Variants in GPC4 observed in about 807,000 individuals in gnomAD.
GPC4 encodes the protein glypican 4, also known as glypican-4.
In GPC4, 10 loss-of-function variants were observed where a neutral mutation model predicts 35.0. The observed-to-expected ratio is 0.29, with a 90% confidence interval of 0.18 to 0.48. The LOEUF is 0.48. Ranked by LOEUF, GPC4 falls within the 20% of genes least tolerant of loss-of-function variation. The pLI is 0.99. For missense variants in GPC4, 322 were observed against 451.3 expected (o/e 0.71, Z 2.60); for synonymous variants, 167 against 170.2 (o/e 0.98, Z 0.15).
intron 1 of GPC4, among the ~76,000 whole-genome samples, chrX:133,363,361 C>T (rs1174758017): frequency 9.0e-6 from 1 of 110,710 alleles, no homozygotes; most frequent in East Asian, 2.8e-4. Flanking sequence ...TTTAAACATA[C>T]AGCTCTTTTT....
chrX:133,314,337 A>G (rs745911475), intron 3 of GPC4, among the ~76,000 whole-genome samples: 4 of 112,213 alleles, frequency 3.6e-5, no homozygotes, highest in Non-Finnish European at 7.5e-5. Context: ...TGCAAGTCAA[A>G]TCATTTATGC....
chrX:133,403,820 C>T (rs1264072350), intron 1 of GPC4, among the ~76,000 whole-genome samples: 1 of 109,283 alleles, frequency 9.2e-6, no homozygotes, highest in Non-Finnish European at 1.9e-5. Flanking sequence ...CTCAGCCTCC[C>T]GAGTAGCTGG....
chrX:133,385,773 T>G (rs1032196949), intron 1 of GPC4, among the ~76,000 whole-genome samples: 72 of 111,694 alleles, frequency 6.4e-4, no homozygotes, highest in African/African-American at 2.2e-3. Context: ...TTTATTCCTT[T>G]CCCACATCAC....
chrX:133,306,004 C>T lies in GPC4; in HGVS notation c.1008+20G>A. On this transcript the variant is annotated intron_variant, in intron 5 of 8. Coordinates refer to ENST00000370828, the MANE Select transcript of GPC4 (RefSeq NM_001448.3). ...GGGGGAGGTCCCTAGCTCCCCTTTC[C>T]AGCATCCTGCCTTCATTACCTTCTG... is the stretch of plus-strand genomic sequence containing the variant. 8.3e-7 allele frequency: 1 copy of T among 1,211,068 alleles called. No homozygotes were observed. Among genetic ancestry groups the T allele is most frequent in the Non-Finnish European group, 1.1e-6 (1 of 895,105 alleles).
intron 1 of GPC4, among the ~76,000 whole-genome samples, chrX:133,361,387 A>G (rs773545255): frequency 1.3e-4 from 15 of 112,030 alleles, no homozygotes; most frequent in Non-Finnish European, 2.6e-4. Context: ...CAGAAGATAT[A>G]GAAGAAAAGA....
intron 1 of GPC4, among the ~76,000 whole-genome samples, chrX:133,341,577 G>A (rs1052709661): frequency 3.6e-5 from 4 of 110,537 alleles, no homozygotes; most frequent in African/African-American, 1.3e-4. Flanking sequence ...TGTTAACAGG[G>A]TTCACACCTA....
At chrX:133,326,022 G>GTTT (rs11427613) in intron 2 of GPC4, among the ~76,000 whole-genome samples, 66 of 100,686 alleles carry the variant, frequency 6.6e-4, no homozygotes, top group African/African-American at 2.2e-3. Context: ...TATGGCTTGT[G>GTTT]TTTTTTTTTT....
At chrX:133,354,568 A>ATTTAT (rs781240039) in intron 1 of GPC4, among the ~76,000 whole-genome samples, 38 of 95,200 alleles carry the variant, frequency 4.0e-4, no homozygotes, top group African/African-American at 1.3e-3. Context: ...TTATTTATTT[A>ATTTAT]TTTTTTTTTT....
intron 2 of GPC4, among the ~76,000 whole-genome samples, chrX:133,331,452 G>A (rs1054644982): frequency 2.7e-5 from 3 of 111,750 alleles, no homozygotes; most frequent in African/African-American, 9.8e-5. Context: ...TCATAATAGA[G>A]TCTATCTGTT....
chrX:133,310,335 G>T (rs1464022982), intron 4 of GPC4, among the ~76,000 whole-genome samples: 1 of 112,028 alleles, frequency 8.9e-6, no homozygotes, highest in Non-Finnish European at 1.9e-5. Context: ...CTGTTAGTAT[G>T]TGTGTGCGGT....
At chrX:133,385,362 A>G (rs1000754746) in intron 1 of GPC4, among the ~76,000 whole-genome samples, 3 of 112,291 alleles carry the variant, frequency 2.7e-5, no homozygotes, top group Non-Finnish European at 5.6e-5. Flanking sequence ...AAATGTAAGA[A>G]ACACCGAAGA....
chrX:133,400,283 G>A (rs550126866), intron 1 of GPC4, among the ~76,000 whole-genome samples: 20 of 111,861 alleles, frequency 1.8e-4, no homozygotes, highest in African/African-American at 5.2e-4. Context: ...CACTGGGGGC[G>A]GGAGCTTGTG....
At chrX:133,371,762 G>T (rs767721264) in intron 1 of GPC4, among the ~76,000 whole-genome samples, 1 of 111,335 alleles carries the variant, frequency 9.0e-6, no homozygotes, top group Non-Finnish European at 1.9e-5. Flanking sequence ...TTTTCATAGG[G>T]AGAGGCAATT....
In GPC4 at chrX:133,324,507, C is replaced by T; in HGVS notation, c.349G>A (p.Glu117Lys). 1 of 1,083,310 alleles carries T rather than the reference C, an allele frequency of 9.2e-7. No individual in the cohort carries two copies. Among genetic ancestry groups the T allele is most frequent in the Non-Finnish European group, 1.2e-6 (1 of 820,103 alleles). The allele number at this position is 1,083,310 out of a possible 1,213,427, so 89.3% of individuals were successfully genotyped here. ...ACAAACATATCATTCAGGGATTTCTCTGCATTTTCAAGTAGTTCTTTGAAG... is the reference window on the plus strand; with the variant it reads ...ACAAACATATCATTCAGGGATTTCTTTGCATTTTCAAGTAGTTCTTTGAAG... Reference protein sequence around the residue: ...EFFKELLENAEKSLNDMFVKT... With the variant: ...EFFKELLENAKKSLNDMFVKT... Residue 117 changes from glutamate (E) to lysine (K), a missense_variant, in exon 3 of 9, where the codon GAG becomes AAG. This residue lies in a region of GPC4 where 163 missense variants were observed against 277.2 expected (regional missense o/e 0.59). Coordinates refer to ENST00000370828, the MANE Select transcript of GPC4 (RefSeq NM_001448.3).
intron 1 of GPC4, among the ~76,000 whole-genome samples, chrX:133,355,914 A>G (rs1218040835): frequency 9.0e-6 from 1 of 111,541 alleles, no homozygotes; most frequent in Non-Finnish European, 1.9e-5. Context: ...CCCTTCCACC[A>G]TGATTGAAAG....
Position 133,311,282 on chromosome X carries a change from C to T in GPC4, c.853G>A (p.Asp285Asn), listed in dbSNP as rs748709159. The change falls in exon 4 of 9, where the codon GAT becomes AAT. Residue 285 changes from aspartate to asparagine, a missense_variant. Physicochemically the swap from Asp to Asn is conservative, Grantham distance 23. This residue lies in a region of GPC4 where 163 missense variants were observed against 277.2 expected (regional missense o/e 0.59). Coordinates refer to ENST00000370828, the MANE Select transcript of GPC4 (RefSeq NM_001448.3). ...CCTATGAAATTGTTCCATTCAAAAT[C>T]GAGATCCCCTTGGTTGGCCAAACAG... is the stretch of plus-strand genomic sequence containing the variant. Reference protein sequence around the residue: ...RGCLANQGDLDFEWNNFIDAM... With the variant: ...RGCLANQGDLNFEWNNFIDAM... 4.1e-6 allele frequency: 5 copies of T among 1,211,428 alleles called. No homozygotes were observed. Among genetic ancestry groups the T allele is most frequent in the Admixed American group, 4.3e-5 (2 of 46,015 alleles).
chrX:133,328,028 A>G (rs979916289), intron 2 of GPC4, among the ~76,000 whole-genome samples: 25 of 110,976 alleles, frequency 2.3e-4, no homozygotes, highest in African/African-American at 8.2e-4. Flanking sequence ...ATCAGACCAT[A>G]ATGAAAATTT....
At chrX:133,388,143 C>T (rs760250315) in intron 1 of GPC4, among the ~76,000 whole-genome samples, 1 of 111,936 alleles carries the variant, frequency 8.9e-6, no homozygotes, top group Non-Finnish European at 1.9e-5. Context: ...CTAGAATATA[C>T]ACCTACCTGG....
chrX:133,412,652 G>A (rs774365050), intron 1 of GPC4, among the ~76,000 whole-genome samples: 1 of 111,659 alleles, frequency 9.0e-6, no homozygotes, highest in South Asian at 3.8e-4. Flanking sequence ...TCCTGCTGCT[G>A]GTCACTAATA....
Sources: allele counts gnomAD v4.1 joint callset (sites outside exome capture counted in the v4.1 genomes callset), GRCh38; gene constraint gnomAD v4.1.1; regional missense constraint gnomAD v4.1.1; transcripts MANE v1.5; gene names NCBI Gene and HGNC (gene_info 2026-07-23, HGNC 2026-07-21).